POU2F2: variants seen among roughly 807,000 people sequenced by gnomAD.
POU2F2 encodes the protein POU class 2 homeobox 2.
In POU2F2, 14 loss-of-function variants were observed where a neutral mutation model predicts 63.5. That is an observed-to-expected ratio of 0.22 (90% CI 0.15 to 0.34). The LOEUF is 0.34. Among genes scored for constraint, POU2F2 ranks in the 10% least tolerant of loss-of-function variants. The probability of loss-of-function intolerance (pLI) is 1.00; values close to 1 mark genes in which losing one functional copy is unlikely to be tolerated. For synonymous variants in POU2F2, 306 were observed against 348.6 expected, an observed-to-expected ratio of 0.88 and a Z score of 1.36; for missense variants, 607 against 815.2, an observed-to-expected ratio of 0.74 and a Z score of 3.11.
In POU2F2 at chr19:42,172,696, A is replaced by G. The variant is rs1267347732; in HGVS notation, c.-70+3267T>C. Among the ~76,000 whole-genome samples, 3 of 152,218 alleles carry G rather than the reference A, an allele frequency of 2.0e-5. No homozygotes were observed. The East Asian group carries it at 5.8e-4, about 29-fold the overall frequency. On this transcript the variant is annotated intron_variant, in intron 1 of 6. Transcript: ENST00000524801. ...GTTTGAACAGGCCCAGCCCCAAACC[A>G]TCACTGATGGAACGAGCTCAACCAT...
chr19:42,185,679 T>C (rs951875425), intron 1 of POU2F2, among the ~76,000 whole-genome samples: 8 of 152,196 alleles, frequency 5.3e-5, no homozygotes, highest in Non-Finnish European at 1.0e-4. Flanking sequence ...CATATGTTAA[T>C]GTAAACCTCC....
chr19:42,167,850 G>A (rs1430803285), intron 1 of POU2F2, among the ~76,000 whole-genome samples: 2 of 152,162 alleles, frequency 1.3e-5, no homozygotes, highest in Non-Finnish European at 2.9e-5. Context: ...ACAAGCCCAA[G>A]AAGCCCTCAG....
At chr19:42,113,319 C>A (rs76939381) in intron 5 of POU2F2, among the ~76,000 whole-genome samples, 1 of 152,126 alleles carries the variant, frequency 6.6e-6, no homozygotes, top group Non-Finnish European at 1.5e-5. Context: ...GAAAATCTGC[C>A]GCAAAACATC....
At chr19:42,116,945 G>C (rs2031986020) in intron 5 of POU2F2, 5 of 583,544 alleles carry the variant, frequency 8.6e-6, no homozygotes, top group Non-Finnish European at 1.6e-5. Flanking sequence ...GCGGCGGCCA[G>C]GAGCTGGGCC....
intron 1 of POU2F2, among the ~76,000 whole-genome samples, chr19:42,189,362 T>C (rs1468714586): frequency 6.6e-6 from 1 of 152,188 alleles, no homozygotes; most frequent in Non-Finnish European, 1.5e-5. Context: ...TCCCTGGAAT[T>C]TGAATCATGA....
upstream of POU2F2, chr19:42,132,714 A>T (rs2033856077): frequency 2.8e-6 from 1 of 363,054 alleles, no homozygotes; most frequent in Admixed American, 4.7e-5. Flanking sequence ...TGTCGCCCCC[A>T]TGGAGGCAAA....
upstream of POU2F2, among the ~76,000 whole-genome samples, chr19:42,136,372 C>T (rs1266543030): frequency 6.6e-6 from 1 of 151,788 alleles, no homozygotes; most frequent in East Asian, 2.0e-4. Context: ...TTAGTAGAGA[C>T]ATGGGTTTTG....
intron 5 of POU2F2, among the ~76,000 whole-genome samples, chr19:42,109,799 G>T (rs912179811): frequency 2.0e-5 from 3 of 152,072 alleles, no homozygotes; most frequent in African/African-American, 7.2e-5. Flanking sequence ...ACTGTGTCTG[G>T]CAAGAAGAGT....
At chr19:42,192,705 T>C (rs1414323115) in intron 1 of POU2F2, among the ~76,000 whole-genome samples, 2 of 152,062 alleles carry the variant, frequency 1.3e-5, no homozygotes, top group Admixed American at 1.3e-4. Flanking sequence ...GACCTCCTAC[T>C]CCTCATTCAA....
intron 1 of POU2F2, among the ~76,000 whole-genome samples, chr19:42,127,308 G>A (rs2033292332): frequency 6.6e-6 from 1 of 151,830 alleles, no homozygotes; most frequent in African/African-American, 2.4e-5. Flanking sequence ...CCCTCTGTCT[G>A]GAACACTGTT....
intron 5 of POU2F2, among the ~76,000 whole-genome samples, chr19:42,109,138 G>A (rs975808924): frequency 6.6e-6 from 1 of 152,228 alleles, no homozygotes; most frequent in Non-Finnish European, 1.5e-5. Context: ...ACCTGGGGGA[G>A]AAGAGAAAGC....
At chr19:42,113,582 C>T (rs1600081581) in intron 5 of POU2F2, among the ~76,000 whole-genome samples, 1 of 152,210 alleles carries the variant, frequency 6.6e-6, no homozygotes, top group Admixed American at 6.5e-5. Flanking sequence ...GTGTTTTTTA[C>T]TCTCTTTCCT....
intron 5 of POU2F2, among the ~76,000 whole-genome samples, chr19:42,113,355 A>G (rs1600080417): frequency 6.6e-6 from 1 of 152,170 alleles, no homozygotes; most frequent in African/African-American, 2.4e-5. Flanking sequence ...AAATATCCAC[A>G]CAGCCCCCTC....
Position 42,131,421 on chromosome 19 carries a change from A to G in POU2F2, c.28+963T>C, listed in dbSNP as rs186187175. Among the ~76,000 whole-genome samples, 158 of 152,270 alleles carry G rather than the reference A, an allele frequency of 1.0e-3. 3 individuals are homozygous for G. Among genetic ancestry groups the G allele is most frequent in the African/African-American group, 3.6e-3 (151 of 41,552 alleles). On this transcript the variant is annotated intron_variant, in intron 1 of 14. Transcript: ENST00000692977. ...CACCACCAAACCAAGACTCATGCCC[A>G]TGGTCATGCCTACACAGCCACAAAT...
chr19:42,149,768 T>C (rs1258671616), intron 2 of POU2F2, among the ~76,000 whole-genome samples: 1 of 151,986 alleles, frequency 6.6e-6, no homozygotes, highest in Non-Finnish European at 1.5e-5. Context: ...GTAAATTGCT[T>C]CCCAACACCC....
intron 2 of POU2F2, among the ~76,000 whole-genome samples, chr19:42,149,506 G>A (rs1479202712): frequency 6.6e-6 from 1 of 152,144 alleles, no homozygotes; most frequent in Non-Finnish European, 1.5e-5. Context: ...GAGAAAAGAG[G>A]GGTGTAAGGA....
chr19:42,117,285 C>T lies in POU2F2; in HGVS notation c.334G>A (p.Ala112Thr), dbSNP rs2032039578. Residue 112 changes from alanine (A) to threonine (T), a missense_variant, in exon 5 of 15, where the codon GCC becomes ACC. Physicochemically the swap from Ala to Thr is moderately conservative, Grantham distance 58 (BLOSUM62 0). Around this residue, in one of 7 missense-constraint regions of POU2F2, gnomAD observed 224 missense variants for 264.3 expected, o/e 0.85. Coordinates refer to ENST00000692977, the MANE Select transcript of POU2F2 (RefSeq NM_001394376.1). This position sits in a 1 kb window ranked among gnomAD's most constrained non-coding sequence, Gnocchi z 4.4. ...TGGCTGCCCGTCAACATGAGTTGGG[C>T]CTGGGGCAGATGAGGCTGGGCCGGC... ...PQPAQPHLPQAQLMLTGSQLA... is the reference protein window; with the variant it reads ...PQPAQPHLPQTQLMLTGSQLA... 3 of 1,502,808 alleles carry T rather than the reference C, an allele frequency of 2.0e-6. No individual in the cohort carries two copies. Among genetic ancestry groups the T allele is most frequent in the Non-Finnish European group, 1.8e-6 (2 of 1,133,948 alleles). 93.1% of individuals were successfully genotyped at this position (1,502,808 alleles called of 1,614,324 possible). A position where few individuals can be genotyped will look rare whatever the true frequency, so the allele number is the denominator to read the frequency against.
At chr19:42,104,658 G>T (rs1393664694) in intron 5 of POU2F2, among the ~76,000 whole-genome samples, 1 of 152,164 alleles carries the variant, frequency 6.6e-6, no homozygotes, top group African/African-American at 2.4e-5. Context: ...CACAAAAAAA[G>T]AGTATATCTG....
intron 7 of POU2F2, among the ~76,000 whole-genome samples, chr19:42,097,064 A>G (rs377468754): frequency 1.3e-5 from 2 of 152,090 alleles, no homozygotes; most frequent in Non-Finnish European, 2.9e-5. Flanking sequence ...CAACAGCTCT[A>G]TCTGGGATTC....
Sources: allele counts gnomAD v4.1 joint callset (sites outside exome capture counted in the v4.1 genomes callset), GRCh38; gene constraint gnomAD v4.1.1; regional missense constraint gnomAD v4.1.1; non-coding constraint Gnocchi (gnomAD v3.1); transcripts MANE v1.5; gene names NCBI Gene and HGNC (gene_info 2026-07-23, HGNC 2026-07-21).